The following NCAM2 variants were observed in gnomAD, a reference collection of about 807,000 sequenced individuals.
NCAM2 encodes neural cell adhesion molecule 2, also known as N-CAM-2.
Under a neutral mutation model 98.1 loss-of-function variants are expected in NCAM2, and 30 were observed. The ratio of observed to expected loss-of-function variants is 0.31; its 90% CI spans 0.23 to 0.41. The LOEUF is 0.41. Among genes scored for constraint, NCAM2 ranks in the 10% least tolerant of loss-of-function variants. The pLI is 1.00. For synonymous variants in NCAM2, 368 were observed against 342.4 expected (o/e 1.07, Z -0.83); for missense variants, 867 against 1,005.8 (o/e 0.86, Z 1.87).
intron 12 of NCAM2, 44 bp downstream of exon 12, chr21:21,432,325 C>A (rs566245278): frequency 1.3e-6 from 2 of 1,570,672 alleles, no homozygotes; most frequent in South Asian, 2.2e-5. Context: ...TCAAGCTGAT[C>A]TTCAGTATAC....
chr21:21,323,299 A>G (rs773454270), intron 5 of NCAM2, among the ~76,000 whole-genome samples: 7 of 152,088 alleles, frequency 4.6e-5, no homozygotes, highest in Non-Finnish European at 1.0e-4. Flanking sequence ...ATGTCAGATT[A>G]TGTTTCTTGT....
chr21:21,119,517 AT>A (rs776316814), intron 1 of NCAM2, among the ~76,000 whole-genome samples: 178 of 152,108 alleles, frequency 1.2e-3, no homozygotes, highest in Admixed American at 1.9e-3. Flanking sequence ...CAGCTAATAT[AT>A]TTTTGTTATT....
intron 1 of NCAM2, among the ~76,000 whole-genome samples, chr21:21,252,787 C>A (rs2032299): frequency 6.6e-6 from 1 of 151,920 alleles, no homozygotes; most frequent in Non-Finnish European, 1.5e-5. Context: ...TCTTTATTTT[C>A]TCCTGTCTAC....
intron 1 of NCAM2, among the ~76,000 whole-genome samples, chr21:21,160,117 TACCGTG>T (rs1487452705): frequency 6.6e-6 from 1 of 152,088 alleles, no homozygotes; most frequent in East Asian, 1.9e-4. Flanking sequence ...TAAATATATG[TACCGTG>T]TAAATTTTCT....
chr21:21,188,876 C>T (rs1277541726), intron 1 of NCAM2, among the ~76,000 whole-genome samples: 6 of 152,026 alleles, frequency 3.9e-5, no homozygotes. Context: ...ATTTTAAAAC[C>T]CTTCAGAGCA....
intron 12 of NCAM2, among the ~76,000 whole-genome samples, chr21:21,443,494 C>G: frequency 1.3e-5 from 2 of 151,272 alleles, no homozygotes; most frequent in East Asian, 3.9e-4. Context: ...AAATATATTA[C>G]TGTGTATTTT....
At chr21:21,153,471 T>A (rs987939028) in intron 1 of NCAM2, among the ~76,000 whole-genome samples, 1 of 151,894 alleles carries the variant, frequency 6.6e-6, no homozygotes, top group African/African-American at 2.4e-5. Flanking sequence ...TATAGAAATG[T>A]ATAATATAAT....
At chr21:21,249,593 T>A (rs1265908858) in intron 1 of NCAM2, among the ~76,000 whole-genome samples, 1 of 152,228 alleles carries the variant, frequency 6.6e-6, no homozygotes, top group African/African-American at 2.4e-5. Flanking sequence ...AAATTTGTGC[T>A]AAGATAATGA....
At chr21:21,263,724 C>G (rs544234664) in intron 1 of NCAM2, among the ~76,000 whole-genome samples, 2 of 152,200 alleles carry the variant, frequency 1.3e-5, no homozygotes, top group East Asian at 1.9e-4. Context: ...ACCAACTGAT[C>G]TTTCTCAAAG....
At chr21:21,388,375 G>T (rs919878396) in intron 9 of NCAM2, among the ~76,000 whole-genome samples, 4 of 152,152 alleles carry the variant, frequency 2.6e-5, no homozygotes, top group African/African-American at 9.7e-5. Context: ...GGGACCTGCT[G>T]CAAATGTAGG....
intron 1 of NCAM2, among the ~76,000 whole-genome samples, chr21:21,250,411 T>C (rs549209840): frequency 6.6e-6 from 1 of 152,322 alleles, no homozygotes; most frequent in East Asian, 1.9e-4. Flanking sequence ...GCTGTGTATT[T>C]ACAAAGTTTG....
At chr21:21,137,994 G>A (rs754331561) in intron 1 of NCAM2, among the ~76,000 whole-genome samples, 2 of 152,114 alleles carry the variant, frequency 1.3e-5, no homozygotes, top group Admixed American at 6.6e-5. Flanking sequence ...ATTAGACTCA[G>A]TTCACCCCAG....
intron 9 of NCAM2, among the ~76,000 whole-genome samples, chr21:21,407,711 A>G (rs2076770659): frequency 6.6e-6 from 1 of 152,224 alleles, no homozygotes; most frequent in African/African-American, 2.4e-5. Context: ...AAATAAATTT[A>G]AAGATATAGA....
chr21:21,509,387 T>G (rs993957823), intron 16 of NCAM2, among the ~76,000 whole-genome samples: 2 of 152,186 alleles, frequency 1.3e-5, no homozygotes, highest in Non-Finnish European at 2.9e-5. Flanking sequence ...CCACCGGTTT[T>G]GTTTATATTA....
intron 1 of NCAM2, among the ~76,000 whole-genome samples, chr21:21,232,098 A>G (rs2070651407): frequency 6.6e-6 from 1 of 151,478 alleles, no homozygotes; most frequent in Admixed American, 6.6e-5. Context: ...TCTTGCAGGA[A>G]GGGTGAACTC....
intron 10 of NCAM2, among the ~76,000 whole-genome samples, chr21:21,413,356 GT>G (rs2145930581): frequency 6.6e-6 from 1 of 152,172 alleles, no homozygotes; most frequent in South Asian, 2.1e-4. Context: ...ATATTTTTAG[GT>G]TTAAGAAAAA....
At chr21:21,081,361 G>A (rs755212809) in intron 1 of NCAM2, among the ~76,000 whole-genome samples, 2 of 152,110 alleles carry the variant, frequency 1.3e-5, no homozygotes, top group Non-Finnish European at 2.9e-5. Flanking sequence ...CTGTCACCAA[G>A]TATTATTTTA....
At chr21:21,504,240 A>G (rs1987826448) in intron 15 of NCAM2, among the ~76,000 whole-genome samples, 1 of 151,932 alleles carries the variant, frequency 6.6e-6, no homozygotes, top group African/African-American at 2.4e-5. Context: ...AGGGGTTAGT[A>G]TGTGACTTAG....
intron 9 of NCAM2, among the ~76,000 whole-genome samples, chr21:21,377,261 A>G (rs73322797): frequency 0.012 from 1,853 of 151,918 alleles, 38 homozygotes; most frequent in African/African-American, 0.042. Flanking sequence ...CACTAAATCT[A>G]TAATAATCAT....
Sources: gnomAD v4.1 joint callset for allele counts (sites outside exome capture counted in the v4.1 genomes callset) on GRCh38, gnomAD v4.1.1 for gene constraint, MANE v1.5 for transcripts, NCBI Gene and HGNC (gene_info 2026-07-23, HGNC 2026-07-21) for gene names.